SEMA6A: variants seen among roughly 807,000 people sequenced by gnomAD.
SEMA6A encodes semaphorin 6A, also known as semaphorin-6A.
A neutral mutation model predicts 96.8 loss-of-function variants in SEMA6A; 25 were observed. That is an observed-to-expected ratio of 0.26 (90% CI 0.19 to 0.36). The LOEUF is 0.36. Ranked by LOEUF, SEMA6A falls within the 10% of genes least tolerant of loss-of-function variation. The pLI is 1.00. For missense variants in SEMA6A, 1,363 were observed against 1,323.1 expected (o/e 1.03, Z -0.47); for synonymous variants, 612 against 518.0 (o/e 1.18, Z -2.46).
At chr5:116,571,618 T>C (rs1404369771) in intron 1 of SEMA6A, among the ~76,000 whole-genome samples, 1 of 152,218 alleles carries the variant, frequency 6.6e-6, no homozygotes, top group Non-Finnish European at 1.5e-5. Flanking sequence ...CAAATAAAAG[T>C]TACCATACAA....
intron 1 of SEMA6A, among the ~76,000 whole-genome samples, chr5:116,546,712 AG>A (rs1347734833): frequency 1.3e-5 from 2 of 152,164 alleles, no homozygotes; most frequent in Non-Finnish European, 2.9e-5. Flanking sequence ...CTGCCTGGAA[AG>A]CCCCCACACT....
chr5:116,562,418 TAA>T, intron 1 of SEMA6A: 1 of 293,414 alleles, frequency 3.4e-6, no homozygotes, highest in Non-Finnish European at 6.5e-6. Context: ...ACCCTCTAGT[TAA>T]AAGTTGAATG....
intron 5 of SEMA6A, chr5:116,496,035 G>C (rs1026725202): frequency 2.0e-6 from 1 of 492,100 alleles, no homozygotes; most frequent in Non-Finnish European, 3.7e-6. Context: ...CGCCTAAGTA[G>C]TTCATGATGC....
intron 1 of SEMA6A, among the ~76,000 whole-genome samples, chr5:116,564,154 C>T (rs1760931615): frequency 6.6e-6 from 1 of 152,178 alleles, no homozygotes; most frequent in Non-Finnish European, 1.5e-5. Context: ...TAGGCACGTG[C>T]ATTAAAAATG....
Position 116,482,428 on chromosome 5 carries a change from G to C in SEMA6A, c.1094+16C>G. 6.2e-7 allele frequency: 1 copy of C among 1,610,212 alleles called. No homozygotes were observed. The highest frequency in any genetic ancestry group is 8.5e-7 in the Non-Finnish European group (1 of 1,177,778). On this transcript the variant is annotated intron_variant, in intron 11 of 18. Coordinates refer to ENST00000343348, the MANE Select transcript of SEMA6A (RefSeq NM_020796.5). ...TTTCTAAAGTTTAAAATAGCCATATGAATATTTGCACATACCTGGGCTTAG... is the reference window on the plus strand; with the variant it reads ...TTTCTAAAGTTTAAAATAGCCATATCAATATTTGCACATACCTGGGCTTAG...
intron 18 of SEMA6A, among the ~76,000 whole-genome samples, chr5:116,450,696 AT>A (rs536354506): frequency 2.0e-5 from 3 of 152,054 alleles, no homozygotes; most frequent in Non-Finnish European, 2.9e-5. Flanking sequence ...TCTCAGACAG[AT>A]TTTTTCCCCC....
intron 5 of SEMA6A, 86 bp from the exon 6 acceptor site, chr5:116,495,600 A>T: frequency 1.0e-6 from 1 of 986,810 alleles, no homozygotes; most frequent in South Asian, 1.5e-5. Flanking sequence ...GGCTGACAGT[A>T]AGGTTAAAGT....
At chr5:116,518,006 G>A (rs921994173) in intron 1 of SEMA6A, among the ~76,000 whole-genome samples, 1 of 152,178 alleles carries the variant, frequency 6.6e-6, no homozygotes, top group Admixed American at 6.5e-5. Flanking sequence ...TTGTCAACTG[G>A]CAGTATCTGC....
chr5:116,510,759 G>A (rs1003762734), intron 1 of SEMA6A, among the ~76,000 whole-genome samples: 3 of 152,002 alleles, frequency 2.0e-5, no homozygotes, highest in Non-Finnish European at 2.9e-5. Context: ...ATCTCTGGAG[G>A]TGGTCACTTG....
At chr5:116,523,865 A>G (rs1580472464) in intron 1 of SEMA6A, among the ~76,000 whole-genome samples, 2 of 152,204 alleles carry the variant, frequency 1.3e-5, no homozygotes, top group South Asian at 4.1e-4. Flanking sequence ...AATGGCATCC[A>G]TATTACAATC....
At position 116,457,248 on chromosome 5, in the gene SEMA6A, A is replaced by C. The variant is rs140582453; in HGVS notation, c.1895-9437T>G. 4.6e-5 allele frequency among the ~76,000 whole-genome samples: 7 copies of C among 152,196 alleles called. No individual in the cohort carries two copies. In the East Asian group the frequency reaches 1.3e-3, roughly 29 times the overall value. ...ATGTCAGATGATTGTGTCCAGTGCT[A>C]TCTATTATTTATGAATAACAAGAGG... On this transcript the variant is annotated intron_variant, in intron 18 of 18. Coordinates refer to ENST00000343348, the MANE Select transcript of SEMA6A (RefSeq NM_020796.5).
chr5:116,454,789 AGTGTGTGTGTGTGTGTGTGTGCAT>A (rs1262041015), intron 18 of SEMA6A, among the ~76,000 whole-genome samples: 401 of 150,500 alleles, frequency 2.7e-3, no homozygotes, highest in Non-Finnish European at 4.6e-3. Context: ...TTTTCCTTTA[AGTGTGTGTGTGTGTGTGTGTGCAT>A]GTGTGTGTGC....
chr5:116,519,506 G>A (rs944508872), intron 1 of SEMA6A, among the ~76,000 whole-genome samples: 2 of 152,248 alleles, frequency 1.3e-5, no homozygotes, highest in South Asian at 4.1e-4. Flanking sequence ...ATCGAATTCA[G>A]TCACTTTAGA....
At chr5:116,568,394 G>A (rs1761091234) in intron 1 of SEMA6A, among the ~76,000 whole-genome samples, 1 of 152,158 alleles carries the variant, frequency 6.6e-6, no homozygotes, top group South Asian at 2.1e-4. Flanking sequence ...GTCTCCAAGT[G>A]CAGGATCCTC....
Position 116,569,895 on chromosome 5 carries a change from C to T in SEMA6A, c.-39+4290G>A, listed in dbSNP as rs986453543. 4.6e-5 allele frequency among the ~76,000 whole-genome samples: 7 copies of T among 152,138 alleles called. No individual in the cohort carries two copies. In the East Asian group the frequency reaches 1.2e-3, roughly 25 times the overall value. On this transcript the variant is annotated intron_variant, in intron 1 of 18. Transcript: ENST00000343348. ...ATGTCTATTCAGGAGGAGCTACCTA[C>T]CCACTAAGCATTGGTTATTTGTGAG...
At chr5:116,557,308 C>T (rs2112896288) in intron 1 of SEMA6A, among the ~76,000 whole-genome samples, 1 of 152,316 alleles carries the variant, frequency 6.6e-6, no homozygotes, top group East Asian at 1.9e-4. Context: ...ACCTCCTGGG[C>T]TCAAGCGATT....
intron 18 of SEMA6A, among the ~76,000 whole-genome samples, chr5:116,450,666 G>C (rs1159837091): frequency 6.6e-6 from 1 of 152,190 alleles, no homozygotes; most frequent in African/African-American, 2.4e-5. Flanking sequence ...AGTAGGATCT[G>C]ACCTTTCAGG....
intron 15 of SEMA6A, among the ~76,000 whole-genome samples, chr5:116,477,569 T>C (rs1053431532): frequency 3.3e-5 from 5 of 152,208 alleles, no homozygotes; most frequent in Admixed American, 3.3e-4. Flanking sequence ...GGCAGGCACC[T>C]TCTTGTCTCT....
At chr5:116,571,666 A>G (rs984907342) in intron 1 of SEMA6A, among the ~76,000 whole-genome samples, 8 of 152,242 alleles carry the variant, frequency 5.3e-5, no homozygotes, top group Non-Finnish European at 1.0e-4. Context: ...AGCTAGTGCA[A>G]TTATTTTTTA....
Sources: gnomAD v4.1 joint callset for allele counts (sites outside exome capture counted in the v4.1 genomes callset) on GRCh38, gnomAD v4.1.1 for gene constraint, MANE v1.5 for transcripts, NCBI Gene and HGNC (gene_info 2026-07-23, HGNC 2026-07-21) for gene names.